The following PLEKHG4B variants were observed in gnomAD, a reference collection of about 807,000 sequenced individuals.
The protein encoded by PLEKHG4B is pleckstrin homology domain-containing family G member 4B.
Under a neutral mutation model 121.3 loss-of-function variants are expected in PLEKHG4B, and 111 were observed. The ratio of observed to expected loss-of-function variants is 0.92; its 90% confidence interval spans 0.78 to 1.07. PLEKHG4B has a LOEUF of 1.07. PLEKHG4B is among the 50% of genes least tolerant of loss of function. The pLI, the probability that PLEKHG4B is intolerant of heterozygous loss-of-function variation, is 0.00. For synonymous variants in PLEKHG4B, 738 were observed against 725.0 expected, an observed-to-expected ratio of 1.02 and a Z score of -0.29; for missense variants, 1,831 against 1,757.8, an observed-to-expected ratio of 1.04 and a Z score of -0.74.
At position 163,556 on chromosome 5, in the gene PLEKHG4B, G is replaced by A. The variant is rs773155940; in HGVS notation, c.3476+8G>A. On this transcript the variant is annotated splice_region_variant and intron_variant, in intron 13 of 19. Coordinates refer to ENST00000637938, the MANE Select transcript of PLEKHG4B (RefSeq NM_052909.5). ...GAGGCAGCAGGTGGGCAGGTGAGGT[G>A]GACGTCCCCCTCCTCTCGTCCTAGC... The A allele has an allele frequency of 1.9e-6, 3 of 1,568,266 alleles. No homozygotes were observed. In the Middle Eastern group the frequency reaches 5.4e-4, roughly 284 times the overall value.
rs1383590826 is a variant in PLEKHG4B at position 182,375 on chromosome 5, G to A, written c.*52G>A. The A allele has an allele frequency of 2.6e-6, 4 of 1,510,920 alleles. No homozygotes were observed. The highest frequency in any genetic ancestry group is 1.2e-5 in the South Asian group (1 of 81,926). The allele number at this position is 1,510,920 out of a possible 1,614,324, so 93.6% of individuals were successfully genotyped here. On this transcript the variant is annotated 3_prime_UTR_variant, in exon 20 of 20. Transcript: ENST00000637938. ...ATGTGGCTAGAACAATACAGAGGGA[G>A]CAGCACGCCAGGCCTGATGACTCTG...
rs1293520508 is a variant in PLEKHG4B, at chr5:161,822, C to G, written c.2527C>G (p.Pro843Ala). 1.5e-5 allele frequency: 24 copies of G among 1,613,910 alleles called. No individual in the cohort carries two copies. The highest frequency in any genetic ancestry group is 2.0e-5 in the Non-Finnish European group (24 of 1,180,034). The change falls in exon 12 of 20, where the codon CCG (proline) becomes GCG (alanine). Residue 843 changes from proline to alanine, a missense_variant. Coordinates refer to ENST00000637938, the MANE Select transcript of PLEKHG4B (RefSeq NM_052909.5). ...AGGACTACAGCTGGCGAAGGAGAAC[C>G]CGCAACGTACAGAGGAAATGGTCCA... ...QKGLQLAKEN[P>A]QRTEEMVQDF...
intron 2 of PLEKHG4B, among the ~76,000 whole-genome samples, chr5:125,845 C>G (rs1734597667): frequency 6.6e-6 from 1 of 152,194 alleles, no homozygotes; most frequent in Admixed American, 6.5e-5. Flanking sequence ...ATTTCACTCT[C>G]ACTTTTGAAG....
rs545940578 is a variant in PLEKHG4B, at chr5:162,845, G to T, written c.2773G>T (p.Val925Leu). 4.0e-6 allele frequency: 6 copies of T among 1,514,840 alleles called. No individual in the cohort carries two copies. In the African/African-American group the frequency reaches 8.3e-5, roughly 21 times the overall value. The allele number at this position is 1,514,840 out of a possible 1,614,324, so 93.8% of individuals were successfully genotyped here. A position where few individuals can be genotyped will look rare whatever the true frequency, so the allele number is the denominator to read the frequency against. ...VAAEAFPGAG[V>L]AVLKPHALGK... ...TGCAGAGGCCTTCCCCGGGGCAGGT[G>T]TGGCAGTGCTGAAGCCTCATGCCCT... Residue 925 changes from valine (V) to leucine (L), a missense_variant, in exon 13 of 20, where the codon GTG becomes TTG. By Grantham distance (32) the Val-to-Leu change is conservative. Transcript: ENST00000637938.
In PLEKHG4B at chr5:186,302, C is replaced by T. The variant is rs2126475611; in HGVS notation, c.*3979C>T. 6.6e-6 allele frequency: 1 copy of T among 152,366 alleles called. No individual in the cohort carries two copies. Among genetic ancestry groups the T allele is most frequent in the African/African-American group, 2.4e-5 (1 of 41,578 alleles). 9.4% of individuals were successfully genotyped at this position (152,366 alleles called of 1,614,324 possible). A position where few individuals can be genotyped will look rare whatever the true frequency, so the allele number is the denominator to read the frequency against. ...TTCCAGAAGGCAGGGTTAGGAAACA[C>T]CTGTTTCCAGGCAGAGTAATGCTTC... is the stretch of plus-strand genomic sequence containing the variant. On this transcript the variant is annotated 3_prime_UTR_variant, in exon 20 of 20. Coordinates refer to ENST00000637938, the MANE Select transcript of PLEKHG4B (RefSeq NM_052909.5).
intron 18 of PLEKHG4B, among the ~76,000 whole-genome samples, chr5:177,214 T>C (rs1457151525): frequency 6.6e-6 from 1 of 152,220 alleles, no homozygotes; most frequent in Non-Finnish European, 1.5e-5. Context: ...CTTATATCAT[T>C]GATTTGAGCC....
chr5:145,535 T>C (rs1415084630), intron 6 of PLEKHG4B, among the ~76,000 whole-genome samples: 1 of 152,220 alleles, frequency 6.6e-6, no homozygotes, highest in African/African-American at 2.4e-5. Context: ...TAATTTTTTG[T>C]ATGTTTACTA....
intron 1 of PLEKHG4B, among the ~76,000 whole-genome samples, 181 bp downstream of exon 1, chr5:92,457 G>T (rs1328972633): frequency 1.8e-5 from 2 of 112,558 alleles, no homozygotes; most frequent in Admixed American, 8.6e-5. Flanking sequence ...GCGGGTGGGG[G>T]CGCCGGGGTA....
chr5:100,139 G>A (rs1259918221), intron 1 of PLEKHG4B, among the ~76,000 whole-genome samples: 1 of 152,140 alleles, frequency 6.6e-6, no homozygotes, highest in Non-Finnish European at 1.5e-5. Context: ...TTTTGTGGAA[G>A]ATTTAGAACT....
intron 2 of PLEKHG4B, among the ~76,000 whole-genome samples, chr5:130,319 T>G (rs958258846): frequency 3.9e-5 from 6 of 152,212 alleles, no homozygotes; most frequent in African/African-American, 1.4e-4. Flanking sequence ...CTTGAAGAGA[T>G]AATTTACAGA....
At chr5:179,490 C>G (rs574787169) in intron 18 of PLEKHG4B, 1 of 152,782 alleles carries the variant, frequency 6.5e-6, no homozygotes, top group South Asian at 2.1e-4. Flanking sequence ...CAACTCCTGT[C>G]CCTCATTGTT....
chr5:144,960 T>C, intron 6 of PLEKHG4B, 40 bp downstream of exon 6: 1 of 1,566,052 alleles, frequency 6.4e-7, no homozygotes, highest in Non-Finnish European at 8.8e-7. Flanking sequence ...GTGCAGAGCA[T>C]CGTAGGGCCG....
intron 1 of PLEKHG4B, among the ~76,000 whole-genome samples, chr5:102,557 G>C (rs902222037): frequency 3.9e-5 from 6 of 152,174 alleles, no homozygotes; most frequent in Non-Finnish European, 7.4e-5. Context: ...CACCTGCCCC[G>C]TCTCTGCCCG....
At chr5:170,289 A>G (rs1319263698) in intron 14 of PLEKHG4B, among the ~76,000 whole-genome samples, 1 of 151,480 alleles carries the variant, frequency 6.6e-6, no homozygotes, top group East Asian at 1.9e-4. Context: ...CGCATGTTAC[A>G]TCTTTTCAGT....
chr5:96,283 A>C (rs1733624687), intron 1 of PLEKHG4B, among the ~76,000 whole-genome samples: 1 of 152,204 alleles, frequency 6.6e-6, no homozygotes. Context: ...CTGCTCAATA[A>C]ATGTTAGCTA....
chr5:175,000 C>T (rs1736710546), intron 18 of PLEKHG4B, among the ~76,000 whole-genome samples: 1 of 152,142 alleles, frequency 6.6e-6, no homozygotes, highest in Admixed American at 6.5e-5. Context: ...CACCTGGGGG[C>T]TCCTCGGTCA....
At chr5:99,104 C>T (rs1173927744) in intron 1 of PLEKHG4B, among the ~76,000 whole-genome samples, 2 of 140,080 alleles carry the variant, frequency 1.4e-5, no homozygotes, top group Non-Finnish European at 3.0e-5. Context: ...TGCAGTGAGC[C>T]GAGATCGCGC....
rs755945244 is a variant in PLEKHG4B at position 144,899 on chromosome 5, C to G, written c.1884C>G (p.Ser628=). 2 of 1,613,360 alleles carry G rather than the reference C, an allele frequency of 1.2e-6. No homozygotes were observed. Among genetic ancestry groups the G allele is most frequent in the South Asian group, 2.2e-5 (2 of 91,066 alleles). The change falls in exon 6 of 20, where the codon TCC becomes TCG. Residue 628 remains serine, a synonymous_variant. Transcript: ENST00000637938. ...GGAGTCCAGCTGCCCCTGCCGTCTC[C>G]CAGGCCCTCTCAGGATTGCAGGTAC... ...ARRSPAAPAV[S]QALSGLQNNT...
In PLEKHG4B at chr5:182,055, C is replaced by T; in HGVS notation, c.4616C>T (p.Pro1539Leu). Residue 1539 changes from proline to leucine, a missense_variant, in exon 20 of 20, where the codon CCC (proline) becomes CTC (leucine). Pro to Leu is a moderately conservative substitution (Grantham distance 98). Transcript: ENST00000637938. ...TAVSSSDHAAPFKRPHSTISD... is the reference protein window; with the variant it reads ...TAVSSSDHAALFKRPHSTISD... ...GTGTCCTCCTCTGACCACGCCGCCC[C>T]CTTCAAGCGACCACACTCCACCATC... The T allele has an allele frequency of 1.2e-6, 2 of 1,614,192 alleles. No individual in the cohort carries two copies.
Sources: gnomAD v4.1 joint callset for allele counts (sites outside exome capture counted in the v4.1 genomes callset) on GRCh38, gnomAD v4.1.1 for gene constraint, MANE v1.5 for transcripts, NCBI Gene and HGNC (gene_info 2026-07-23, HGNC 2026-07-21) for gene names.